The following SORBS3 variants were observed in gnomAD, a reference collection of about 807,000 sequenced individuals.
SORBS3 encodes sorbin and SH3 domain containing 3, also known as vinexin.
A neutral mutation model predicts 98.0 loss-of-function variants in SORBS3; 69 were observed. The ratio of observed to expected loss-of-function variants is 0.70; its 90% CI spans 0.58 to 0.86. SORBS3 has a LOEUF of 0.86. Among genes scored for constraint, SORBS3 ranks in the 40% least tolerant of loss-of-function variants. The pLI is 0.00. For missense variants in SORBS3, 954 were observed against 908.5 expected (o/e 1.05, Z -0.64); for synonymous variants, 394 against 355.4 (o/e 1.11, Z -1.22).
Position 22,565,887 on chromosome 8 carries a change from C to A in SORBS3, c.950+15C>A. On this transcript the variant is annotated intron_variant, in intron 12 of 20. Coordinates refer to ENST00000240123, the MANE Select transcript of SORBS3 (RefSeq NM_005775.5). ...CCCCCGGCCGGGTGAGTGGGAGACG[C>A]GGGAGGAGGAAGGGGGCTGTCCCAG... The A allele has an allele frequency of 8.0e-7, 1 of 1,247,936 alleles. No homozygotes were observed. The highest frequency in any genetic ancestry group is 3.0e-5 in the South Asian group (1 of 33,494). 77.3% of individuals were successfully genotyped at this position (1,247,936 alleles called of 1,614,324 possible).
intron 17 of SORBS3, 76 bp downstream of exon 17, chr8:22,569,349 T>C: frequency 8.5e-6 from 11 of 1,290,508 alleles, no homozygotes; most frequent in South Asian, 1.6e-5. Context: ...AAAAACAGTT[T>C]TTTTTTTTTG....
chr8:22,554,743 C>A lies in SORBS3; in HGVS notation c.103-120C>A. 7.3e-7 allele frequency: 1 copy of A among 1,370,756 alleles called. No individual in the cohort carries two copies. Among genetic ancestry groups the A allele is most frequent in the Non-Finnish European group, 9.9e-7 (1 of 1,007,664 alleles). 84.9% of individuals were successfully genotyped at this position (1,370,756 alleles called of 1,614,324 possible). A position where few individuals can be genotyped will look rare whatever the true frequency, so the allele number is the denominator to read the frequency against. ...GAGCTCTGGGGGGCCTCGCTGGTTT[C>A]CCACAAAATCGTCAGGCGGGCCTGG... is the stretch of plus-strand genomic sequence containing the variant. On this transcript the variant is annotated intron_variant, in intron 2 of 20. Transcript: ENST00000240123. This position sits in a 1 kb window ranked among gnomAD's most constrained non-coding sequence, Gnocchi z 6.5.
At chr8:22,566,635 C>G (rs1205720499) in intron 13 of SORBS3, 26 bp from the exon 14 acceptor site, 7 of 1,592,168 alleles carry the variant, frequency 4.4e-6, no homozygotes, top group Admixed American at 1.8e-5. Context: ...ATGGCCTCCC[C>G]AAGCTGAGGT....
At position 22,558,250 on chromosome 8, in the gene SORBS3, T is replaced by G. The variant is rs1200808648; in HGVS notation, c.478+58T>G. On this transcript the variant is annotated intron_variant, in intron 5 of 20. Coordinates refer to ENST00000240123, the MANE Select transcript of SORBS3 (RefSeq NM_005775.5). ...AAAGTGGATTCTGGCCCCTGGGGCT[T>G]GGAGAGACAGGGAAAGAAAAGGGGA... The G allele has an allele frequency of 5.9e-6, 9 of 1,528,078 alleles. No homozygotes were observed. In the African/African-American group the frequency reaches 6.8e-5, roughly 12 times the overall value. 94.7% of individuals were successfully genotyped at this position (1,528,078 alleles called of 1,614,324 possible). A position where few individuals can be genotyped will look rare whatever the true frequency, so the allele number is the denominator to read the frequency against.
In SORBS3 at chr8:22,556,848, G is replaced by C. The variant is rs1840191819; in HGVS notation, c.354G>C (p.Trp118Cys). The C allele has an allele frequency of 1.2e-6, 2 of 1,613,488 alleles. No individual in the cohort carries two copies. The highest frequency in any genetic ancestry group is 1.1e-5 in the South Asian group (1 of 91,084). The change falls in exon 4 of 21, where the codon TGG (tryptophan) becomes TGC (cysteine). Residue 118 changes from tryptophan to cysteine, a missense_variant. Coordinates refer to ENST00000240123, the MANE Select transcript of SORBS3 (RefSeq NM_005775.5). The stretch of plus-strand genomic sequence containing the variant: ...ACAGCAAGCGTCGGGACAAGCGCTG[G>C]GTCAAGTACGAGGGAATCGGGCCCG... ...TKDSKRRDKR[W>C]VKYEGIGPVD...
chr8:22,553,054 A>G (rs1840115439), intron 1 of SORBS3, among the ~76,000 whole-genome samples: 1 of 152,110 alleles, frequency 6.6e-6, no homozygotes. Flanking sequence ...CACCCTCGCT[A>G]GCCCTGGGCA....
At chr8:22,552,452 T>C (rs1265790360) in intron 1 of SORBS3, among the ~76,000 whole-genome samples, 1 of 152,126 alleles carries the variant, frequency 6.6e-6, no homozygotes, top group Admixed American at 6.5e-5. Flanking sequence ...TTGTAAGTCC[T>C]CCCTAAGTCT....
At chr8:22,572,728 C>G (rs929375032) in intron 20 of SORBS3, among the ~76,000 whole-genome samples, 14 of 152,242 alleles carry the variant, frequency 9.2e-5, no homozygotes, top group Admixed American at 8.5e-4. Flanking sequence ...TCCCAACGTC[C>G]AGAGCTCTGC....
intron 18 of SORBS3, 53 bp downstream of exon 18, chr8:22,571,274 C>T (rs1202600326): frequency 1.9e-6 from 2 of 1,065,494 alleles, no homozygotes; most frequent in Admixed American, 2.3e-5. Flanking sequence ...CCCCTCATCC[C>T]CCACCCCCGT....
intron 7 of SORBS3, 97 bp from the exon 8 acceptor site, chr8:22,563,890 C>T (rs539804902): frequency 1.5e-5 from 14 of 915,264 alleles, no homozygotes; most frequent in Non-Finnish European, 2.1e-5. Flanking sequence ...GAGTAGACCC[C>T]ACAGCAGGGA....
At chr8:22,565,523 T>C in intron 11 of SORBS3, 169 bp downstream of exon 11, 1 of 585,252 alleles carries the variant, frequency 1.7e-6, no homozygotes, top group Non-Finnish European at 2.6e-6. Flanking sequence ...CGCTCCTCCA[T>C]AAATAAAATA....
At chr8:22,567,023 G>T in intron 15 of SORBS3, 38 bp from the exon 16 acceptor site, 1 of 1,582,352 alleles carries the variant, frequency 6.3e-7, no homozygotes, top group Non-Finnish European at 8.7e-7. Context: ...GCTTGGGAAG[G>T]CTTCAGCTTA....
At chr8:22,573,499 T>G (rs531100755) in intron 20 of SORBS3, 1 of 444,942 alleles carries the variant, frequency 2.2e-6, no homozygotes, top group Non-Finnish European at 4.5e-6. Flanking sequence ...GTTCCTCAGT[T>G]GCACAGGCAC....
In SORBS3 at chr8:22,557,091, G is replaced by A. The variant is rs188901780; in HGVS notation, c.414+183G>A. Among the ~76,000 whole-genome samples, 24 of 152,330 alleles carry A rather than the reference G, an allele frequency of 1.6e-4. 1 individual carries two copies. The East Asian group carries it at 3.7e-3, about 23-fold the overall frequency. On this transcript the variant is annotated intron_variant, in intron 4 of 20. Transcript: ENST00000240123. The stretch of plus-strand genomic sequence containing the variant: ...ACCTCATAAAGCTGCAGACACCCTC[G>A]TGTGCCTGAGTTGCTCAAGTGGTTT...
At position 22,574,668 on chromosome 8, in the gene SORBS3, T is replaced by G; in HGVS notation, c.1956T>G (p.Gly652=). ...MQQCDDGWFV[G]VSRRTQKFGT... ...CTCTTCCTGCCTTTCCTCTTTCAGG[T>G]GTCTCCCGGAGGACCCAGAAATTCG... The change falls in exon 21 of 21, where the codon GGT becomes GGG. Residue 652 remains glycine, a splice_region_variant and synonymous_variant. Coordinates refer to ENST00000240123, the MANE Select transcript of SORBS3 (RefSeq NM_005775.5). 1 of 1,612,664 alleles carries G rather than the reference T, an allele frequency of 6.2e-7. No individual in the cohort carries two copies. The highest frequency in any genetic ancestry group is 8.5e-7 in the Non-Finnish European group (1 of 1,179,298).
chr8:22,561,668 AT>A, intron 6 of SORBS3, 196 bp from the exon 7 acceptor site: 1 of 622,028 alleles, frequency 1.6e-6, no homozygotes, highest in Admixed American at 2.8e-5. Context: ...TGTTTTGAAG[AT>A]GTAGTAAATG....
chr8:22,551,884 G>A (rs2117200403), upstream of SORBS3: 1 of 985,356 alleles, frequency 1.0e-6, no homozygotes, highest in East Asian at 1.1e-4. The surrounding 1 kb of genome is among the most constrained non-coding windows in gnomAD (Gnocchi z 5.8). Context: ...GGCCCGTCCT[G>A]ACCCGGTCAC....
intron 10 of SORBS3, chr8:22,564,765 C>A: frequency 7.2e-7 from 1 of 1,394,798 alleles, no homozygotes; most frequent in Non-Finnish European, 9.3e-7. Context: ...TCAGTGCGCA[C>A]TGGGATTATC....
In SORBS3 at chr8:22,565,337, CG is replaced by C; in HGVS notation, c.887del (p.Arg296HisfsTer43). ...CAAGGACCTGCGGGCAATTGAGACC[CG>C]ACTGCCGTCCCCCAAGGTACCAGCC... ...LDKDLRAIET[R>X]LPSPKSSPAP... On this transcript the variant is annotated frameshift_variant, in exon 11 of 21. Coordinates refer to ENST00000240123, the MANE Select transcript of SORBS3 (RefSeq NM_005775.5). LOFTEE classifies it high-confidence loss of function. 2 of 1,555,406 alleles carry C rather than the reference CG, an allele frequency of 1.3e-6. No homozygotes were observed. The highest frequency in any genetic ancestry group is 1.7e-6 in the Non-Finnish European group (2 of 1,150,098).
Sources: gnomAD v4.1 joint callset for allele counts (sites outside exome capture counted in the v4.1 genomes callset) on GRCh38, gnomAD v4.1.1 for gene constraint, Gnocchi (gnomAD v3.1) non-coding constraint, MANE v1.5 for transcripts, NCBI Gene and HGNC (gene_info 2026-07-23, HGNC 2026-07-21) for gene names.